WBP4: variants seen among roughly 807,000 people sequenced by gnomAD.
The protein encoded by WBP4 is WW domain binding protein 4, also known as WW domain-binding protein 4.
In WBP4, 37 loss-of-function variants were observed where a neutral mutation model predicts 55.4. The observed-to-expected ratio is 0.67, with a 90% CI of 0.51 to 0.88. The LOEUF is 0.88. Ranked by LOEUF, WBP4 falls within the 40% of genes least tolerant of loss-of-function variation. The pLI is 0.00. For missense variants in WBP4, 398 were observed against 420.8 expected (o/e 0.95, Z 0.47); for synonymous variants, 142 against 140.2 (o/e 1.01, Z -0.09).
intron 5 of WBP4, among the ~76,000 whole-genome samples, chr13:41,070,560 A>G (rs761252150): frequency 1.3e-5 from 2 of 151,930 alleles, no homozygotes; most frequent in Non-Finnish European, 2.9e-5. Context: ...AATGGGGACA[A>G]TAATGAATTA....
rs141857563 is a variant in WBP4, at chr13:41,076,176, A to T, written c.695A>T (p.Glu232Val). 396 of 1,612,950 alleles carry T rather than the reference A, an allele frequency of 2.5e-4. 3 individuals are homozygous for T. In the East Asian group the frequency reaches 8.7e-3, roughly 36 times the overall value. The change falls in exon 8 of 10, where the codon GAA becomes GTA. Residue 232 changes from glutamate to valine, a missense_variant. Transcript: ENST00000379487. Reference sequence around the variant, plus strand: ...GATTCGCATAGTGATTCTGATGGGGAACAGGAAGCAGAAGAAGGAGGGGTC... The same window carrying T: ...GATTCGCATAGTGATTCTGATGGGGTACAGGAAGCAGAAGAAGGAGGGGTC... ...SSDSHSDSDGEQEAEEGGVST... is the reference protein window; with the variant it reads ...SSDSHSDSDGVQEAEEGGVST...
rs201490842 is a variant in WBP4, at chr13:41,062,732, T to A, written c.75+16T>A. 6.3e-7 allele frequency: 1 copy of A among 1,593,972 alleles called. No individual in the cohort carries two copies. Among genetic ancestry groups the A allele is most frequent in the African/African-American group, 1.3e-5 (1 of 74,392 alleles). On this transcript the variant is annotated intron_variant, in intron 2 of 9. Transcript: ENST00000379487. ...CAATAGGCCTGTATGATAATTCCGCTGTTAGAGATTCTAATAATAATTGTG... is the reference window on the plus strand; with the variant it reads ...CAATAGGCCTGTATGATAATTCCGCAGTTAGAGATTCTAATAATAATTGTG...
intron 7 of WBP4, 91 bp from the exon 8 acceptor site, chr13:41,075,953 T>C: frequency 7.5e-7 from 1 of 1,331,586 alleles, no homozygotes; most frequent in Non-Finnish European, 1.0e-6. Flanking sequence ...AGTATTGTCA[T>C]TTAATAATTG....
chr13:41,067,051 A>C (rs1878004001), intron 4 of WBP4, among the ~76,000 whole-genome samples: 1 of 152,116 alleles, frequency 6.6e-6, no homozygotes. Flanking sequence ...TGCAGTGGCA[A>C]AATCATGGCT....
At chr13:41,075,055 G>T (rs1213245974) in intron 7 of WBP4, among the ~76,000 whole-genome samples, 2 of 152,126 alleles carry the variant, frequency 1.3e-5, no homozygotes, top group Non-Finnish European at 2.9e-5. Flanking sequence ...CATTAATCCT[G>T]CCAAGAACTC....
In WBP4 at chr13:41,072,129, C is replaced by G. The variant is rs180879401; in HGVS notation, c.486+556C>G. On this transcript the variant is annotated intron_variant, in intron 6 of 9. Coordinates refer to ENST00000379487, the MANE Select transcript of WBP4 (RefSeq NM_007187.5). ...ATATTAGTTGGTTTGCCGTCAGTTGCCATTCACATGTTCCTGTCCATTTGG... is the reference window on the plus strand; with the variant it reads ...ATATTAGTTGGTTTGCCGTCAGTTGGCATTCACATGTTCCTGTCCATTTGG... 7.3e-5 allele frequency among the ~76,000 whole-genome samples: 11 copies of G among 151,634 alleles called. No homozygotes were observed. The East Asian group carries it at 2.1e-3, about 29-fold the overall frequency.
intron 6 of WBP4, 71 bp from the exon 7 acceptor site, chr13:41,072,711 G>T: frequency 7.1e-7 from 1 of 1,400,690 alleles, no homozygotes. Flanking sequence ...AAGGGTGGCT[G>T]ACTGTCTGAG....
intron 9 of WBP4, among the ~76,000 whole-genome samples, chr13:41,081,783 C>T (rs772056333): frequency 7.2e-5 from 11 of 152,194 alleles, no homozygotes; most frequent in Non-Finnish European, 7.4e-5. Context: ...CACTTCACTC[C>T]AGCCTGGGAG....
At chr13:41,064,455 A>G (rs1404409257) in intron 2 of WBP4, among the ~76,000 whole-genome samples, 1 of 152,168 alleles carries the variant, frequency 6.6e-6, no homozygotes, top group Non-Finnish European at 1.5e-5. Context: ...GTCTTGATAG[A>G]TATTGCCAAA....
At chr13:41,061,967 C>T in intron 1 of WBP4, 1 of 904,434 alleles carries the variant, frequency 1.1e-6, no homozygotes, top group Non-Finnish European at 1.3e-6. Context: ...GCTCTCTCTA[C>T]GACGCTGTCG....
At chr13:41,073,907 A>T (rs1455023827) in intron 7 of WBP4, among the ~76,000 whole-genome samples, 4 of 152,060 alleles carry the variant, frequency 2.6e-5, no homozygotes, top group African/African-American at 9.7e-5. Context: ...CTTACGAAGC[A>T]TGCATAAATA....
chr13:41,074,694 G>T (rs1262259907), intron 7 of WBP4, among the ~76,000 whole-genome samples: 1 of 152,148 alleles, frequency 6.6e-6, no homozygotes, highest in Non-Finnish European at 1.5e-5. Flanking sequence ...CATAGTAGGT[G>T]CTAAATAAAT....
chr13:41,062,261 G>A (rs1450985254), intron 1 of WBP4: 1 of 984,938 alleles, frequency 1.0e-6, no homozygotes, highest in East Asian at 1.1e-4. Context: ...CTCTTGGTGG[G>A]AATAACTTGA....
chr13:41,072,500 A>G (rs531296301), intron 6 of WBP4, among the ~76,000 whole-genome samples: 3 of 152,356 alleles, frequency 2.0e-5, no homozygotes, highest in East Asian at 3.9e-4. Flanking sequence ...ACACTTTTCA[A>G]TGACCAGATC....
At chr13:41,079,856 TAC>T (rs903488704) in intron 8 of WBP4, among the ~76,000 whole-genome samples, 1 of 152,120 alleles carries the variant, frequency 6.6e-6, no homozygotes, top group African/African-American at 2.4e-5. Flanking sequence ...GCGGTATATA[TAC>T]ACACGCACAC....
intron 4 of WBP4, among the ~76,000 whole-genome samples, chr13:41,066,260 C>G (rs1443879803): frequency 6.6e-6 from 1 of 152,112 alleles, no homozygotes; most frequent in Non-Finnish European, 1.5e-5. Flanking sequence ...ATAAATTTTA[C>G]CATTTTATAT....
intron 2 of WBP4, 30 bp downstream of exon 2, chr13:41,062,746 A>C: frequency 6.3e-7 from 1 of 1,585,124 alleles, no homozygotes. Flanking sequence ...AGAGATTCTA[A>C]TAATAATTGT....
intron 1 of WBP4, chr13:41,062,321 C>T (rs191616584): frequency 3.1e-6 from 3 of 961,842 alleles, no homozygotes; most frequent in South Asian, 9.6e-5. Context: ...CAGCAACCTC[C>T]CCCAAAGCCA....
intron 8 of WBP4, among the ~76,000 whole-genome samples, chr13:41,078,818 A>G (rs189790418): frequency 6.6e-6 from 1 of 151,890 alleles, no homozygotes. Flanking sequence ...CAAGAGTGAA[A>G]CTCTGTCTCA....
Sources: allele counts gnomAD v4.1 joint callset (sites outside exome capture counted in the v4.1 genomes callset), GRCh38; gene constraint gnomAD v4.1.1; transcripts MANE v1.5; gene names NCBI Gene and HGNC (gene_info 2026-07-23, HGNC 2026-07-21).